Variants in RNF115 observed in about 807,000 individuals in gnomAD.
RNF115 encodes the protein E3 ubiquitin-protein ligase RNF115.
Under a neutral mutation model 39.2 loss-of-function variants are expected in RNF115, and 31 were observed. The ratio of observed to expected loss-of-function variants is 0.79; its 90% confidence interval spans 0.59 to 1.07. The LOEUF (loss-of-function observed/expected upper bound fraction) is 1.07, where lower values mean the gene tolerates loss of function less well. Among genes scored for constraint, RNF115 ranks in the 50% least tolerant of loss-of-function variants. The probability of loss-of-function intolerance (pLI) is 0.00; values close to 1 mark genes in which losing one functional copy is unlikely to be tolerated. For missense variants in RNF115, 384 were observed against 381.7 expected (o/e 1.01, Z -0.05); for synonymous variants, 124 against 131.0 (o/e 0.95, Z 0.37).
intron 2 of RNF115, chr1:145,787,071 C>T (rs1553718176): frequency 1.6e-6 from 2 of 1,264,856 alleles, no homozygotes; most frequent in South Asian, 1.2e-5. Flanking sequence ...ATTCTGCCAA[C>T]AGTAACAGTA....
At chr1:145,774,522 T>C (rs1553716245) in intron 3 of RNF115, among the ~76,000 whole-genome samples, 1 of 151,934 alleles carries the variant, frequency 6.6e-6, no homozygotes, top group Admixed American at 6.6e-5. Flanking sequence ...GCTAATTTTT[T>C]ATATTTGCAG....
intron 4 of RNF115, among the ~76,000 whole-genome samples, chr1:145,760,899 G>A (rs1416287957): frequency 1.3e-5 from 2 of 152,182 alleles, no homozygotes; most frequent in African/African-American, 4.8e-5. Context: ...CAATGGCTTT[G>A]CCCAAAATGC....
intron 4 of RNF115, among the ~76,000 whole-genome samples, chr1:145,760,688 A>C (rs1658467527): frequency 6.6e-6 from 1 of 152,150 alleles, no homozygotes; most frequent in Non-Finnish European, 1.5e-5. Context: ...TTTTCTTCCC[A>C]GTCTTGGGTA....
chr1:145,750,327 A>G, intron 7 of RNF115, 80 bp downstream of exon 7: 1 of 1,128,170 alleles, frequency 8.9e-7, no homozygotes, highest in Non-Finnish European at 1.3e-6. Flanking sequence ...TTCACTTTTT[A>G]AACTTTTCAC....
chr1:145,822,770 T>A (rs1301095102), intron 1 of RNF115, among the ~76,000 whole-genome samples: 2 of 137,476 alleles, frequency 1.5e-5, no homozygotes, highest in Non-Finnish European at 3.1e-5. Context: ...ATGTTGTTTG[T>A]TTTTGTAGAG....
intron 3 of RNF115, chr1:145,772,484 G>A (rs1316368391): frequency 6.6e-6 from 1 of 152,332 alleles, no homozygotes. Context: ...CTGAAGGATA[G>A]TTTTGCCAGA....
rs1657824379 is a variant in RNF115, at chr1:145,745,195, T to A, written c.*1671A>T. The stretch of plus-strand genomic sequence containing the variant: ...GGAAAAAAGACAGTAAACAATGAGT[T>A]GAGCACTTTGAGAGGTTGAGGCAGG... On this transcript the variant is annotated 3_prime_UTR_variant, in exon 9 of 9. Coordinates refer to ENST00000582693, the MANE Select transcript of RNF115 (RefSeq NM_014455.4). 1 of 152,156 alleles carries A rather than the reference T, an allele frequency of 6.6e-6. No individual in the cohort carries two copies. Among genetic ancestry groups the A allele is most frequent in the African/African-American group, 2.4e-5 (1 of 41,440 alleles). The allele number at this position is 152,156 out of a possible 1,614,324, so 9.4% of individuals were successfully genotyped here.
At chr1:145,816,035 C>G (rs1649977026) in intron 1 of RNF115, among the ~76,000 whole-genome samples, 1 of 125,370 alleles carries the variant, frequency 8.0e-6, no homozygotes, top group African/African-American at 3.1e-5. Context: ...TTAATATCCT[C>G]TTTCCAAATG....
chr1:145,790,935 A>T (rs1648636753), intron 1 of RNF115, among the ~76,000 whole-genome samples: 1 of 151,950 alleles, frequency 6.6e-6, no homozygotes, highest in Non-Finnish European at 1.5e-5. Flanking sequence ...TGAGGTCAGG[A>T]GTTCAAGACC....
intron 3 of RNF115, among the ~76,000 whole-genome samples, chr1:145,783,355 T>C (rs1303116960): frequency 6.6e-6 from 1 of 152,120 alleles, no homozygotes; most frequent in African/African-American, 2.4e-5. Context: ...AACAGGACCA[T>C]TACCCAGACA....
chr1:145,822,342 G>A, intron 1 of RNF115, among the ~76,000 whole-genome samples: 1 of 149,926 alleles, frequency 6.7e-6, no homozygotes. Context: ...AAGAAAAACA[G>A]CTAAGTAGCA....
intron 3 of RNF115, among the ~76,000 whole-genome samples, chr1:145,778,330 C>CA (rs1273901369): frequency 6.6e-6 from 1 of 152,030 alleles, no homozygotes; most frequent in East Asian, 1.9e-4. Flanking sequence ...GCTGAGAGAA[C>CA]TGTGGAGAAA....
At chr1:145,816,982 CT>C (rs1553723652) in intron 1 of RNF115, among the ~76,000 whole-genome samples, 1 of 78,094 alleles carries the variant, frequency 1.3e-5, no homozygotes, top group African/African-American at 3.8e-5. Flanking sequence ...GTTATCCAGG[CT>C]GGGAGAACAT....
At chr1:145,767,547 C>G (rs1194487070) in intron 4 of RNF115, among the ~76,000 whole-genome samples, 1 of 152,146 alleles carries the variant, frequency 6.6e-6, no homozygotes, top group South Asian at 2.1e-4. Context: ...CAGGCAGAGA[C>G]GCTCCTCACT....
At chr1:145,762,107 T>C (rs1658556996) in intron 4 of RNF115, among the ~76,000 whole-genome samples, 1 of 152,228 alleles carries the variant, frequency 6.6e-6, no homozygotes, top group South Asian at 2.1e-4. Flanking sequence ...CTCCATTGTA[T>C]CTAGGAAGTA....
chr1:145,806,769 T>C (rs1166448971), intron 1 of RNF115, among the ~76,000 whole-genome samples: 3 of 152,240 alleles, frequency 2.0e-5, no homozygotes, highest in African/African-American at 7.2e-5. Flanking sequence ...GCGAAGCTTC[T>C]TGTACTGTCT....
intron 4 of RNF115, among the ~76,000 whole-genome samples, chr1:145,763,301 C>T (rs1044660691): frequency 3.9e-5 from 6 of 152,226 alleles, no homozygotes; most frequent in Admixed American, 3.9e-4. Context: ...GAATCAGAAA[C>T]AGCTTACTGC....
chr1:145,766,737 G>C (rs1647303007), intron 4 of RNF115, among the ~76,000 whole-genome samples: 1 of 121,692 alleles, frequency 8.2e-6, no homozygotes, highest in Non-Finnish European at 1.8e-5. Flanking sequence ...TCACTTCCCA[G>C]TAGGGGCGGC....
In RNF115 at chr1:145,754,094, C is replaced by G. The variant is rs181648465; in HGVS notation, c.429-1045G>C. 5.9e-5 allele frequency among the ~76,000 whole-genome samples: 9 copies of G among 152,306 alleles called. No individual in the cohort carries two copies. In the East Asian group the frequency reaches 1.3e-3, roughly 23 times the overall value. On this transcript the variant is annotated intron_variant, in intron 4 of 8. Transcript: ENST00000582693. The stretch of plus-strand genomic sequence containing the variant: ...ATGGCAATAGCCAACATTAGACTTT[C>G]CCTGCTACTAAAGTTCAACAGCAGC...
Sources: gnomAD v4.1 joint callset for allele counts (sites outside exome capture counted in the v4.1 genomes callset) on GRCh38, gnomAD v4.1.1 for gene constraint, MANE v1.5 for transcripts, NCBI Gene and HGNC (gene_info 2026-07-23, HGNC 2026-07-21) for gene names.